Variants in LINGO2 observed in about 807,000 individuals in gnomAD.
The protein encoded by LINGO2 is leucine rich repeat and Ig domain containing 2, also known as leucine-rich repeat and immunoglobulin-like domain-containing nogo receptor-interacting protein 2.
A neutral mutation model predicts 30.6 loss-of-function variants in LINGO2; 14 were observed. The ratio of observed to expected loss-of-function variants is 0.46; its 90% CI spans 0.30 to 0.72. The LOEUF is 0.72. LINGO2 is among the 30% of genes least tolerant of loss of function. The pLI is 0.07. For missense variants in LINGO2, 729 were observed against 751.7 expected (o/e 0.97, Z 0.35); for synonymous variants, 317 against 288.5 (o/e 1.10, Z -1.00).
chr9:29,074,979 T>C, the LINGO2 span, among the ~76,000 whole-genome samples: 14 of 152,018 alleles, frequency 9.2e-5, no homozygotes, highest in Admixed American at 3.9e-4. Context: ...CCAGGCCCAT[T>C]TTTTAAATTA....
chr9:28,131,013 T>G (rs569486403), intron 4 of LINGO2, among the ~76,000 whole-genome samples: 2 of 152,122 alleles, frequency 1.3e-5, no homozygotes, highest in South Asian at 4.1e-4. Flanking sequence ...TTATGTTTCT[T>G]CCTTAACTTC....
At chr9:29,159,621 C>G in the LINGO2 span, among the ~76,000 whole-genome samples, 1 of 152,064 alleles carries the variant, frequency 6.6e-6, no homozygotes, top group African/African-American at 2.4e-5. Flanking sequence ...TTTTGGGAGG[C>G]TGAGGCAGGC....
the LINGO2 span, among the ~76,000 whole-genome samples, chr9:28,675,928 TACAC>T: frequency 0.019 from 2,621 of 135,586 alleles, 52 homozygotes; most frequent in African/African-American, 0.053. Context: ...TATATATACA[TACAC>T]ACACACACAC....
At chr9:28,265,324 C>T (rs1400874272) in intron 4 of LINGO2, among the ~76,000 whole-genome samples, 1 of 151,838 alleles carries the variant, frequency 6.6e-6, no homozygotes, top group Non-Finnish European at 1.5e-5. Flanking sequence ...TCTGACTCCC[C>T]CATAGCTCCT....
At chr9:28,771,020 C>T in the LINGO2 span, among the ~76,000 whole-genome samples, 1 of 152,132 alleles carries the variant, frequency 6.6e-6, no homozygotes, top group Non-Finnish European at 1.5e-5. Context: ...TGCTCAAGGC[C>T]ATTTGTTATC....
chr9:28,117,632 G>A (rs1444367442), intron 4 of LINGO2, among the ~76,000 whole-genome samples: 5 of 126,204 alleles, frequency 4.0e-5, no homozygotes, highest in South Asian at 3.0e-4. Context: ...TTCTTAAGCC[G>A]GTCTGAAAAG....
At chr9:28,198,287 G>C (rs60956859) in intron 4 of LINGO2, among the ~76,000 whole-genome samples, 7,605 of 151,564 alleles carry the variant, frequency 0.05, 255 homozygotes, top group African/African-American at 0.09. Context: ...GTTACAGAAT[G>C]CTGTGTATAC....
intron 3 of LINGO2, among the ~76,000 whole-genome samples, chr9:28,366,455 A>C (rs1307592045): frequency 6.6e-6 from 1 of 152,082 alleles, no homozygotes; most frequent in African/African-American, 2.4e-5. Context: ...TGTTTTTATC[A>C]CTTGAAACCA....
chr9:29,031,363 A>G, the LINGO2 span, among the ~76,000 whole-genome samples: 1 of 151,782 alleles, frequency 6.6e-6, no homozygotes, highest in Non-Finnish European at 1.5e-5. Context: ...GCCCACTGTA[A>G]CCTCCATCTC....
chr9:28,166,664 C>A lies in LINGO2; in HGVS notation c.-87+128544G>T, dbSNP rs562791184. Among the ~76,000 whole-genome samples the A allele has an allele frequency of 3.3e-5, 5 of 151,654 alleles. No homozygotes were observed. The South Asian group carries it at 1.0e-3, about 32-fold the overall frequency. On this transcript the variant is annotated intron_variant, in intron 4 of 5. Coordinates refer to ENST00000379992, the Ensembl canonical transcript of LINGO2. ...GACATTGTAGAACTTGTACAAATGT[C>A]TATAATTTGACATTGTACAAACATG... is the stretch of plus-strand genomic sequence containing the variant.
At position 28,098,770 on chromosome 9, in the gene LINGO2, A is replaced by T. The variant is rs185169504; in HGVS notation, c.-86-86365T>A. Among the ~76,000 whole-genome samples the T allele has an allele frequency of 1.2e-3, 190 of 152,318 alleles. 4 individuals carry two copies. Among genetic ancestry groups the T allele is most frequent in the African/African-American group, 4.4e-3 (185 of 41,574 alleles). The stretch of plus-strand genomic sequence containing the variant: ...TCACAAAACAATGAGAATGTTACAC[A>T]GAATATGTCAAGTGGAGCAGGCAAA... On this transcript the variant is annotated intron_variant, in intron 4 of 5. Coordinates refer to ENST00000379992, the Ensembl canonical transcript of LINGO2.
At chr9:28,794,602 C>T in the LINGO2 span, among the ~76,000 whole-genome samples, 1 of 152,098 alleles carries the variant, frequency 6.6e-6, no homozygotes, top group Non-Finnish European at 1.5e-5. Context: ...AGACTACTAC[C>T]TTCATTTTCT....
chr9:28,248,525 A>T (rs1177992616), intron 4 of LINGO2, among the ~76,000 whole-genome samples: 2 of 152,174 alleles, frequency 1.3e-5, no homozygotes, highest in East Asian at 3.9e-4. Context: ...ACAAAATTAG[A>T]AAGAATGAAT....
chr9:28,269,272 A>G (rs979059932), intron 4 of LINGO2, among the ~76,000 whole-genome samples: 5 of 152,086 alleles, frequency 3.3e-5, no homozygotes, highest in South Asian at 2.1e-4. Flanking sequence ...GGATTGATTC[A>G]TCTCTAGGTC....
chr9:28,570,685 G>A (rs1823644785), intron 1 of LINGO2, among the ~76,000 whole-genome samples: 1 of 150,924 alleles, frequency 6.6e-6, no homozygotes, highest in Admixed American at 6.6e-5. Context: ...TCTCTGCCTT[G>A]CACATAACTA....
At chr9:29,057,923 T>A in the LINGO2 span, among the ~76,000 whole-genome samples, 29,103 of 151,962 alleles carry the variant, frequency 0.19, 2,857 homozygotes, top group South Asian at 0.21. Context: ...CTAATAGAGT[T>A]CAACGACAAG....
intron 2 of LINGO2, among the ~76,000 whole-genome samples, chr9:28,409,210 A>T (rs1029373887): frequency 6.6e-6 from 1 of 152,096 alleles, no homozygotes; most frequent in Non-Finnish European, 1.5e-5. Context: ...CCCATTGTGG[A>T]TGGTAATTAT....
the LINGO2 span, among the ~76,000 whole-genome samples, chr9:29,182,158 T>C: frequency 2.0e-5 from 3 of 152,214 alleles, no homozygotes; most frequent in African/African-American, 7.2e-5. Flanking sequence ...AAACACCATA[T>C]GACCAGTAGT....
the LINGO2 span, among the ~76,000 whole-genome samples, chr9:28,728,977 C>A: frequency 6.6e-6 from 1 of 152,112 alleles, no homozygotes; most frequent in Non-Finnish European, 1.5e-5. Context: ...GAAAAATATA[C>A]TTCCTTCCAA....
Sources: allele counts gnomAD v4.1 joint callset (sites outside exome capture counted in the v4.1 genomes callset), GRCh38; gene constraint gnomAD v4.1.1; transcripts MANE v1.5; gene names NCBI Gene and HGNC (gene_info 2026-07-23, HGNC 2026-07-21).